The following PARD3 variants were observed in gnomAD, a reference collection of about 807,000 sequenced individuals.
PARD3 encodes par-3 family cell polarity regulator, also known as partitioning defective 3 homolog.
Under a neutral mutation model 155.4 loss-of-function variants are expected in PARD3, and 75 were observed. The observed-to-expected ratio is 0.48, with a 90% CI of 0.40 to 0.58. The LOEUF (loss-of-function observed/expected upper bound fraction) is 0.58, where lower values mean the gene tolerates loss of function less well. Among genes scored for constraint, PARD3 ranks in the 20% least tolerant of loss-of-function variants. PARD3 has a pLI of 0.00. For missense variants in PARD3, 1,642 were observed against 1,721.7 expected, an observed-to-expected ratio of 0.95 and a Z score of 0.82; for synonymous variants, 576 against 610.5, an observed-to-expected ratio of 0.94 and a Z score of 0.83.
At position 34,659,760 on chromosome 10, in the gene PARD3, CAG is replaced by C. The variant is rs1340612743; in HGVS notation, c.222+36556_222+36557del. On this transcript the variant is annotated intron_variant, in intron 2 of 24. Coordinates refer to ENST00000374788, the MANE Select transcript of PARD3 (RefSeq NM_001184785.2). ...AATTTCTAATTCATACCACCTGACTCAGTAAAGCCTTACTTCTCTTCTTCCTG... is the reference window on the plus strand; with the variant it reads ...AATTTCTAATTCATACCACCTGACTCTAAAGCCTTACTTCTCTTCTTCCTG... 1.6e-4 allele frequency among the ~76,000 whole-genome samples: 24 copies of C among 152,184 alleles called. 1 individual carries two copies. Among genetic ancestry groups the C allele is most frequent in the Non-Finnish European group, 2.9e-4 (20 of 68,036 alleles).
chr10:34,602,569 A>G (rs2089884691), intron 2 of PARD3, among the ~76,000 whole-genome samples: 1 of 152,246 alleles, frequency 6.6e-6, no homozygotes, highest in South Asian at 2.1e-4. Flanking sequence ...AAAATTGTGG[A>G]AAAATCATAC....
At position 34,632,041 on chromosome 10, in the gene PARD3, G is replaced by C. The variant is rs112248148; in HGVS notation, c.222+64277C>G. On this transcript the variant is annotated intron_variant, in intron 2 of 24. Transcript: ENST00000374788. ...TCACGCCTGTAATCCCAGCACTTTG[G>C]AAGGGGGAGGCTTTTGAGATCAGCC... Among the ~76,000 whole-genome samples, 1,060 of 152,270 alleles carry C rather than the reference G, an allele frequency of 7.0e-3. 14 individuals carry two copies. The highest frequency in any genetic ancestry group is 0.024 in the African/African-American group (990 of 41,550).
At chr10:34,541,051 AAAATT>A (rs1426266891) in intron 2 of PARD3, among the ~76,000 whole-genome samples, 1 of 152,208 alleles carries the variant, frequency 6.6e-6, no homozygotes, top group Non-Finnish European at 1.5e-5. Flanking sequence ...AGCCATTCAA[AAAATT>A]AAATAATAAA....
chr10:34,614,376 A>AG (rs1281770694), intron 2 of PARD3, among the ~76,000 whole-genome samples: 3 of 152,206 alleles, frequency 2.0e-5, no homozygotes, highest in Admixed American at 6.5e-5. Context: ...CAGAAGATTA[A>AG]GGGAAAAAAA....
At chr10:34,330,739 G>C (rs1382270772) in intron 19 of PARD3, among the ~76,000 whole-genome samples, 1 of 152,002 alleles carries the variant, frequency 6.6e-6, no homozygotes, top group African/African-American at 2.4e-5. Flanking sequence ...AAGCAACTTC[G>C]TGTTAACAGA....
rs374151238 is a variant in PARD3, at chr10:34,500,751, C to T, written c.403+16228G>A. Among the ~76,000 whole-genome samples, 39 of 152,070 alleles carry T rather than the reference C, an allele frequency of 2.6e-4. 1 individual carries two copies. The East Asian group carries it at 3.3e-3, about 13-fold the overall frequency. On this transcript the variant is annotated intron_variant, in intron 3 of 24. Coordinates refer to ENST00000374788, the MANE Select transcript of PARD3 (RefSeq NM_001184785.2). ...CAATAACAAAAGTTACATAAAATAA[C>T]ATAAATTATAATAACATAAAATGAA...
At chr10:34,173,582 T>C (rs116576466) in intron 22 of PARD3, among the ~76,000 whole-genome samples, 133 of 152,326 alleles carry the variant, frequency 8.7e-4, no homozygotes, top group African/African-American at 3.0e-3. Context: ...TTGAGTAAAC[T>C]GAAGTATAGA....
chr10:34,417,152 C>A (rs190513075), intron 5 of PARD3, among the ~76,000 whole-genome samples: 2 of 151,414 alleles, frequency 1.3e-5, no homozygotes, highest in African/African-American at 4.9e-5. Flanking sequence ...AAGCTTCAAG[C>A]CTTTGGGGAG....
At chr10:34,327,885 A>G (rs769445886) in intron 19 of PARD3, among the ~76,000 whole-genome samples, 9 of 152,172 alleles carry the variant, frequency 5.9e-5, no homozygotes, top group Non-Finnish European at 1.3e-4. Context: ...AGACAATAGA[A>G]GATGTTGGAC....
At position 34,565,254 on chromosome 10, in the gene PARD3, G is replaced by A. The variant is rs192158288; in HGVS notation, c.223-48095C>T. Among the ~76,000 whole-genome samples the A allele has an allele frequency of 3.4e-4, 42 of 123,794 alleles. 1 individual carries two copies. The highest frequency in any genetic ancestry group is 1.3e-3 in the African/African-American group (42 of 31,662). The allele number at this position is 123,794 out of a possible 152,430, so 81.2% of individuals were successfully genotyped here. The stretch of plus-strand genomic sequence containing the variant: ...AGATGGTCAGATAAAAGACAAAGGA[G>A]CAAGGCTTTTTTTTTTTTTTTTTTT... On this transcript the variant is annotated intron_variant, in intron 2 of 24. Transcript: ENST00000374788.
At chr10:34,653,188 G>A (rs1394566588) in intron 2 of PARD3, among the ~76,000 whole-genome samples, 1 of 152,060 alleles carries the variant, frequency 6.6e-6, no homozygotes, top group Non-Finnish European at 1.5e-5. Flanking sequence ...ATTCTTTAGG[G>A]GGGAAGCAAA....
At chr10:34,773,220 A>C (rs1213869135) in intron 1 of PARD3, among the ~76,000 whole-genome samples, 1 of 152,238 alleles carries the variant, frequency 6.6e-6, no homozygotes, top group Non-Finnish European at 1.5e-5. Context: ...TAACACTTAG[A>C]TATTATGTTA....
chr10:34,238,607 G>A (rs1033044294), intron 22 of PARD3, among the ~76,000 whole-genome samples: 1 of 152,052 alleles, frequency 6.6e-6, no homozygotes, highest in Non-Finnish European at 1.5e-5. Context: ...AAAAGCCTAA[G>A]AAAATATTTT....
chr10:34,567,109 T>G (rs1426073601), intron 2 of PARD3, among the ~76,000 whole-genome samples: 1 of 152,204 alleles, frequency 6.6e-6, no homozygotes, highest in African/African-American at 2.4e-5. Flanking sequence ...GCTGTTAGTA[T>G]AGTGCACCAC....
rs1302884725 is a variant in PARD3 at position 34,581,250 on chromosome 10, T to TTTTTTTC, written c.223-64092_223-64091insGAAAAAA. On this transcript the variant is annotated intron_variant, in intron 2 of 24. Coordinates refer to ENST00000374788, the MANE Select transcript of PARD3 (RefSeq NM_001184785.2). ...TTTTCTTTTCTTTTTTTTTTTTTTT[T>TTTTTTTC]TTGAGACGGAGTTTCACTCTGTCAC... Among the ~76,000 whole-genome samples, 30 of 146,594 alleles carry TTTTTTTC rather than the reference T, an allele frequency of 2.0e-4. No individual in the cohort carries two copies. The South Asian group carries it at 6.4e-3, about 31-fold the overall frequency.
At chr10:34,774,765 T>C (rs571363047) in intron 1 of PARD3, among the ~76,000 whole-genome samples, 2 of 152,360 alleles carry the variant, frequency 1.3e-5, no homozygotes, top group Admixed American at 1.3e-4. Flanking sequence ...CATGCACATA[T>C]GTCATTGCTT....
chr10:34,344,549 T>C, intron 15 of PARD3: 1 of 974,050 alleles, frequency 1.0e-6, no homozygotes, highest in Non-Finnish European at 1.2e-6. Context: ...CCCAAAGTGC[T>C]GGGATTACAG....
At chr10:34,797,418 CT>C (rs1301603462) in intron 1 of PARD3, among the ~76,000 whole-genome samples, 1 of 152,190 alleles carries the variant, frequency 6.6e-6, no homozygotes, top group Non-Finnish European at 1.5e-5. Flanking sequence ...TCCCAACGTG[CT>C]GGAATTACAG....
intron 1 of PARD3, among the ~76,000 whole-genome samples, chr10:34,780,776 T>G (rs1840147120): frequency 6.6e-6 from 1 of 152,224 alleles, no homozygotes; most frequent in Non-Finnish European, 1.5e-5. Flanking sequence ...CTATTCTGTT[T>G]CTCTGGATAA....
Sources: allele counts gnomAD v4.1 joint callset (sites outside exome capture counted in the v4.1 genomes callset), GRCh38; gene constraint gnomAD v4.1.1; transcripts MANE v1.5; gene names NCBI Gene and HGNC (gene_info 2026-07-23, HGNC 2026-07-21).